The following NLRC5 variants were observed in gnomAD, a reference collection of about 807,000 sequenced individuals.
NLRC5 encodes NLR family CARD domain containing 5.
A neutral mutation model predicts 206.9 loss-of-function variants in NLRC5; 114 were observed. The observed-to-expected ratio is 0.55, with a 90% confidence interval of 0.47 to 0.64. The LOEUF (loss-of-function observed/expected upper bound fraction) is 0.64, where lower values mean the gene tolerates loss of function less well. NLRC5 is among the 30% of genes least tolerant of loss of function. NLRC5 has a pLI of 0.00. For synonymous variants in NLRC5, 952 were observed against 962.8 expected (o/e 0.99, Z 0.21); for missense variants, 2,008 against 2,305.5 (o/e 0.87, Z 2.64).
At chr16:57,051,648 C>G in intron 24 of NLRC5, 27 bp downstream of exon 24, 1 of 1,582,052 alleles carries the variant, frequency 6.3e-7, no homozygotes, top group South Asian at 1.1e-5. Flanking sequence ...TCCTATTTCC[C>G]GGTTCCTTGT....
intron 1 of NLRC5, among the ~76,000 whole-genome samples, chr16:56,996,091 G>A (rs1014057364): frequency 1.1e-4 from 16 of 152,152 alleles, no homozygotes; most frequent in East Asian, 1.9e-4. Flanking sequence ...CCAGGCCTCC[G>A]GTCAGAGCCC....
intron 17 of NLRC5, chr16:57,041,263 C>T: frequency 1.9e-6 from 1 of 535,120 alleles, no homozygotes; most frequent in South Asian, 2.3e-5. Flanking sequence ...CCTTGGTTTC[C>T]TTCCATCTGT....
intron 17 of NLRC5, 65 bp downstream of exon 17, chr16:57,040,783 G>C: frequency 6.6e-7 from 1 of 1,511,170 alleles, no homozygotes; most frequent in Non-Finnish European, 9.2e-7. Context: ...CTCAGAGCCT[G>C]CTCCCAAACC....
chr16:56,994,535 A>G (rs2057366029), intron 1 of NLRC5, among the ~76,000 whole-genome samples: 2 of 152,208 alleles, frequency 1.3e-5, no homozygotes, highest in Non-Finnish European at 2.9e-5. Flanking sequence ...AAAGATGTGC[A>G]TGTCATATGA....
chr16:57,077,158 C>A, intron 40 of NLRC5, 138 bp from the exon 41 acceptor site: 1 of 767,912 alleles, frequency 1.3e-6, no homozygotes, highest in Non-Finnish European at 2.2e-6. Flanking sequence ...TAGGAGCTGT[C>A]ACTCAACATG....
chr16:57,005,498 TAAA>T (rs10707313), intron 1 of NLRC5, among the ~76,000 whole-genome samples: 3 of 144,534 alleles, frequency 2.1e-5, no homozygotes, highest in Non-Finnish European at 3.0e-5. Context: ...ATCTTAATAT[TAAA>T]AAAAAAAAAA....
chr16:57,055,549 G>T, intron 27 of NLRC5, 30 bp downstream of exon 27: 1 of 1,579,690 alleles, frequency 6.3e-7, no homozygotes, highest in Middle Eastern at 1.7e-4. Context: ...GGAAGGAGAG[G>T]AGCATGGACG....
chr16:57,015,093 T>C (rs1337581937), intron 1 of NLRC5, among the ~76,000 whole-genome samples: 1 of 152,112 alleles, frequency 6.6e-6, no homozygotes, highest in African/African-American at 2.4e-5. Context: ...CATGCCTGAC[T>C]AATTTTTATG....
At chr16:57,050,036 G>T (rs2064650426) in intron 23 of NLRC5, among the ~76,000 whole-genome samples, 1 of 151,702 alleles carries the variant, frequency 6.6e-6, no homozygotes, top group Non-Finnish European at 1.5e-5. Context: ...AAGCACTGCA[G>T]GTCTACTTTG....
intron 1 of NLRC5, among the ~76,000 whole-genome samples, chr16:57,008,911 A>G (rs929603141): frequency 5.9e-5 from 9 of 152,246 alleles, no homozygotes; most frequent in Admixed American, 5.2e-4. Context: ...TTTTTCAAAC[A>G]TAAGAGTTAC....
chr16:57,034,448 G>A (rs4783966), intron 13 of NLRC5, 197 bp downstream of exon 13: 121,259 of 576,606 alleles, frequency 0.21, 14,101 homozygotes, highest in Admixed American at 0.28. Flanking sequence ...GACTGTACAT[G>A]CCTCCTCGCA....
At chr16:57,041,837 C>T (rs1049605942) in intron 18 of NLRC5, 145 bp from the exon 19 acceptor site, 10 of 651,012 alleles carry the variant, frequency 1.5e-5, no homozygotes, top group South Asian at 4.0e-5. Flanking sequence ...CCCAGCTGCC[C>T]GTGCCAGATC....
chr16:57,051,394 G>T, intron 23 of NLRC5, 144 bp from the exon 24 acceptor site: 1 of 668,846 alleles, frequency 1.5e-6, no homozygotes, highest in Non-Finnish European at 2.7e-6. Flanking sequence ...CAGCCTCACG[G>T]ATAACCCATG....
At chr16:57,076,477 G>A (rs918534455) in intron 39 of NLRC5, among the ~76,000 whole-genome samples, 12 of 152,228 alleles carry the variant, frequency 7.9e-5, no homozygotes, top group Non-Finnish European at 1.5e-4. Context: ...GGGCCAGCCC[G>A]GAGATCCCTG....
chr16:57,080,700 G>A (rs72775186), intron 46 of NLRC5: 9,374 of 170,990 alleles, frequency 0.055, 507 homozygotes, highest in East Asian at 0.24. Context: ...GGTTAGGCTC[G>A]TCTCAAACAC....
intron 1 of NLRC5, among the ~76,000 whole-genome samples, chr16:57,016,773 T>G (rs1330890665): frequency 6.6e-6 from 1 of 152,166 alleles, no homozygotes; most frequent in African/African-American, 2.4e-5. Flanking sequence ...CAGGGCTCAT[T>G]GTGATGCCAA....
chr16:57,060,374 G>A (rs72775174), intron 30 of NLRC5, among the ~76,000 whole-genome samples: 8,749 of 149,588 alleles, frequency 0.058, 327 homozygotes, highest in East Asian at 0.13. Context: ...CCACACACAC[G>A]CCCTACACAC....
In NLRC5 at chr16:57,022,324, T is replaced by A; in HGVS notation, c.355+9T>A. Reference sequence around the variant, plus strand: ...ATCTCAGCTCCACCATGGTGAGGACTGGAGTTGGGGGGTGGGAAGGGGGTG... The same window carrying A: ...ATCTCAGCTCCACCATGGTGAGGACAGGAGTTGGGGGGTGGGAAGGGGGTG... On this transcript the variant is annotated intron_variant, in intron 4 of 48. Transcript: ENST00000688547. The A allele has an allele frequency of 6.2e-7, 1 of 1,607,070 alleles. No homozygotes were observed. The highest frequency in any genetic ancestry group is 8.5e-7 in the Non-Finnish European group (1 of 1,174,326).
intron 1 of NLRC5, chr16:56,991,149 A>C (rs1271607265): frequency 6.6e-6 from 1 of 152,154 alleles, no homozygotes; most frequent in Non-Finnish European, 1.5e-5. Context: ...ATCAACCTTA[A>C]AATGCTGCAC....
Sources: gnomAD v4.1 joint callset for allele counts (sites outside exome capture counted in the v4.1 genomes callset) on GRCh38, gnomAD v4.1.1 for gene constraint, MANE v1.5 for transcripts, NCBI Gene and HGNC (gene_info 2026-07-23, HGNC 2026-07-21) for gene names.